The following SLC38A9 variants were observed in gnomAD, a reference collection of about 807,000 sequenced individuals.
SLC38A9 encodes neutral amino acid transporter 9.
SLC38A9 carries 48 observed loss-of-function variants against 62.3 expected under a neutral mutation model. The ratio of observed to expected loss-of-function variants is 0.77; its 90% CI spans 0.61 to 0.98. The LOEUF is 0.98. Ranked by LOEUF, SLC38A9 falls within the 50% of genes least tolerant of loss-of-function variation. SLC38A9 has a pLI of 0.00. For missense variants in SLC38A9, 541 were observed against 679.8 expected, an observed-to-expected ratio of 0.80 and a Z score of 2.27; for synonymous variants, 204 against 227.7, an observed-to-expected ratio of 0.90 and a Z score of 0.94.
intron 8 of SLC38A9, among the ~76,000 whole-genome samples, chr5:55,663,451 T>C (rs914204421): frequency 3.3e-5 from 5 of 151,922 alleles, no homozygotes; most frequent in Admixed American, 2.6e-4. Context: ...TAAAGATGCT[T>C]GGGGCCAGGT....
chr5:55,665,634 T>C (rs1750342215), intron 7 of SLC38A9, among the ~76,000 whole-genome samples: 1 of 151,698 alleles, frequency 6.6e-6, no homozygotes, highest in South Asian at 2.1e-4. Context: ...CATGAAAGTT[T>C]ATCTTCTAGC....
intron 3 of SLC38A9, chr5:55,696,032 C>G (rs1755519270): frequency 9.8e-6 from 1 of 101,898 alleles, no homozygotes; most frequent in East Asian, 2.7e-4. Context: ...GGCTGACCCC[C>G]CCACCTCCCT....
chr5:55,694,191 G>T, intron 3 of SLC38A9: 1 of 220,882 alleles, frequency 4.5e-6, no homozygotes, highest in Non-Finnish European at 9.2e-6. Context: ...GTGGGCTACA[G>T]AGTGAGACCC....
At chr5:55,629,003 T>C (rs970852617) in intron 14 of SLC38A9, among the ~76,000 whole-genome samples, 15 of 152,126 alleles carry the variant, frequency 9.9e-5, no homozygotes, top group Non-Finnish European at 2.1e-4. Flanking sequence ...TATAAATAAG[T>C]GGTTAGTCAT....
chr5:55,672,861 A>C (rs1751535351), intron 3 of SLC38A9, 166 bp from the exon 4 acceptor site: 4 of 602,040 alleles, frequency 6.6e-6, no homozygotes, highest in Non-Finnish European at 1.1e-5. Flanking sequence ...AAGAAGTATT[A>C]TCCTATCCAC....
At chr5:55,705,140 A>G (rs1757128439) in intron 2 of SLC38A9, among the ~76,000 whole-genome samples, 1 of 152,200 alleles carries the variant, frequency 6.6e-6, no homozygotes, top group East Asian at 1.9e-4. Context: ...ATGTATCTAC[A>G]TGCCTTTAGT....
intron 14 of SLC38A9, among the ~76,000 whole-genome samples, chr5:55,631,602 G>A (rs909360863): frequency 6.6e-6 from 1 of 152,108 alleles, no homozygotes; most frequent in Non-Finnish European, 1.5e-5. Context: ...TAGAACCATA[G>A]CTGCTGCTAT....
At chr5:55,639,272 TAAAAAAAAAAA>T (rs753043231) in intron 12 of SLC38A9, among the ~76,000 whole-genome samples, 1 of 54,650 alleles carries the variant, frequency 1.8e-5, no homozygotes, top group Admixed American at 2.2e-4. Flanking sequence ...AAACTCTGTC[TAAAAAAAAAAA>T]AAAAAAAAAA....
At chr5:55,661,389 G>T (rs1749515279) in intron 8 of SLC38A9, among the ~76,000 whole-genome samples, 1 of 134,624 alleles carries the variant, frequency 7.4e-6, no homozygotes, top group South Asian at 2.4e-4. Context: ...AGCTTGCAGT[G>T]AGCCGAGATC....
In SLC38A9 at chr5:55,626,478, A is replaced by G. The variant is rs766473368; in HGVS notation, c.*16T>C. The G allele has an allele frequency of 6.9e-6, 11 of 1,603,604 alleles. No individual in the cohort carries two copies. The highest frequency in any genetic ancestry group is 6.8e-6 in the Non-Finnish European group (8 of 1,174,982). On this transcript the variant is annotated 3_prime_UTR_variant, in exon 16 of 16. Transcript: ENST00000396865. ...AAAATATCATGAGAGCTCTTGAAAA[A>G]AACAGTTGAGGTATTTCACATAAAA...
At chr5:55,645,116 A>G (rs1746118916) in intron 12 of SLC38A9, among the ~76,000 whole-genome samples, 1 of 152,194 alleles carries the variant, frequency 6.6e-6, no homozygotes, top group Non-Finnish European at 1.5e-5. Flanking sequence ...GCTAGAGTGC[A>G]GTGGCATGAA....
rs1383027111 is a variant in SLC38A9, at chr5:55,696,197, G to C, written c.113+1649C>G. 4.9e-5 allele frequency: 2 copies of C among 40,668 alleles called. 1 individual carries two copies. The highest frequency in any genetic ancestry group is 1.3e-4 in the Non-Finnish European group (2 of 15,854). 2.5% of individuals were successfully genotyped at this position (40,668 alleles called of 1,614,324 possible). On this transcript the variant is annotated intron_variant, in intron 3 of 15. Transcript: ENST00000396865. Reference sequence around the variant, plus strand: ...TGACCCCCCCACCTCCCTCACGGACGGGGCGGCTGGCTGGGCAGAGGGGCT... The same window carrying C: ...TGACCCCCCCACCTCCCTCACGGACCGGGCGGCTGGCTGGGCAGAGGGGCT...
At chr5:55,656,840 G>T in intron 8 of SLC38A9, 66 bp from the exon 9 acceptor site, 2 of 759,152 alleles carry the variant, frequency 2.6e-6, no homozygotes, top group Non-Finnish European at 4.1e-6. Context: ...TACCCTTTAA[G>T]GTCTTTTATT....
At chr5:55,648,647 G>A (rs1746824584) in intron 11 of SLC38A9, among the ~76,000 whole-genome samples, 1 of 152,066 alleles carries the variant, frequency 6.6e-6, no homozygotes, top group Non-Finnish European at 1.5e-5. Flanking sequence ...AAAAACAGAA[G>A]AAGCACTTCA....
intron 7 of SLC38A9, among the ~76,000 whole-genome samples, chr5:55,665,673 G>C (rs901429701): frequency 6.6e-5 from 10 of 151,780 alleles, no homozygotes; most frequent in African/African-American, 2.4e-4. Context: ...CAATGAAAAA[G>C]ACAAACAGGG....
chr5:55,628,091 C>CT (rs1742786949), intron 14 of SLC38A9, 111 bp from the exon 15 acceptor site: 1 of 663,080 alleles, frequency 1.5e-6, no homozygotes, highest in African/African-American at 1.8e-5. Flanking sequence ...ATCAAAATGT[C>CT]TTAAGCTTGA....
chr5:55,691,268 A>G, intron 3 of SLC38A9: 2 of 1,390,070 alleles, frequency 1.4e-6, no homozygotes, highest in South Asian at 2.5e-5. Context: ...GTTTTCCATT[A>G]TAATACCAAG....
chr5:55,682,055 G>C (rs985114782), intron 3 of SLC38A9, among the ~76,000 whole-genome samples: 2 of 100,556 alleles, frequency 2.0e-5, no homozygotes, highest in African/African-American at 6.2e-5. Context: ...ATGTGGAAAA[G>C]AGTCTTCCAC....
chr5:55,686,863 T>A (rs1678529812), intron 3 of SLC38A9, among the ~76,000 whole-genome samples: 1 of 152,196 alleles, frequency 6.6e-6, no homozygotes, highest in South Asian at 2.1e-4. Flanking sequence ...GCAGCATTTA[T>A]TCAATAGGGA....
Sources: gnomAD v4.1 joint callset for allele counts (sites outside exome capture counted in the v4.1 genomes callset) on GRCh38, gnomAD v4.1.1 for gene constraint, MANE v1.5 for transcripts, NCBI Gene and HGNC (gene_info 2026-07-23, HGNC 2026-07-21) for gene names.